The following ITM2C variants were observed in gnomAD, a reference collection of about 807,000 sequenced individuals.
ITM2C encodes the protein BRICHOS domain containing 2C.
Under a neutral mutation model 30.0 loss-of-function variants are expected in ITM2C, and 20 were observed. The ratio of observed to expected loss-of-function variants is 0.67; its 90% CI spans 0.47 to 0.97. The LOEUF (loss-of-function observed/expected upper bound fraction) is 0.97, where lower values mean the gene tolerates loss of function less well. Among genes scored for constraint, ITM2C ranks in the 50% least tolerant of loss-of-function variants. The probability of loss-of-function intolerance (pLI) is 0.00; values close to 1 mark genes in which losing one functional copy is unlikely to be tolerated. For missense variants in ITM2C, 366 were observed against 371.9 expected (o/e 0.98, Z 0.13); for synonymous variants, 167 against 156.4 (o/e 1.07, Z -0.51).
At position 230,872,480 on chromosome 2, in the gene ITM2C, A is replaced by G. The variant is rs368602772; in HGVS notation, c.121-937A>G. ...CACACCTACGTCCACCACCCCACAC[A>G]TGTGTGGCCTGGAGATGGGTTAGGT... On this transcript the variant is annotated intron_variant, in intron 1 of 5. Transcript: ENST00000326427. Among the ~76,000 whole-genome samples, 71 of 152,164 alleles carry G rather than the reference A, an allele frequency of 4.7e-4. No individual in the cohort carries two copies. In the East Asian group the frequency reaches 0.013, roughly 27 times the overall value.
intron 1 of ITM2C, among the ~76,000 whole-genome samples, chr2:230,870,055 T>A (rs1697126564): frequency 6.6e-6 from 1 of 152,208 alleles, no homozygotes. Context: ...GGTGGGCCAT[T>A]CGGCCATCTT....
rs1696993835 is a variant in ITM2C at position 230,865,125 on chromosome 2, A to T, written c.100A>T (p.Ile34Phe). The change falls in exon 1 of 6, where the codon ATC (isoleucine) becomes TTC (phenylalanine). Residue 34 changes from isoleucine to phenylalanine, a missense_variant. By Grantham distance (21) the Ile-to-Phe change is conservative. Coordinates refer to ENST00000326427, the MANE Select transcript of ITM2C (RefSeq NM_030926.6). The surrounding 1 kb of genome is among the most constrained non-coding windows in gnomAD (Gnocchi z 6.8). Reference sequence around the variant, plus strand: ...CCCTGCGCCGGCCTCGGCCACCGAGATCCTGCTGACGCCGGCTAGGGTGAG... The same window carrying T: ...CCCTGCGCCGGCCTCGGCCACCGAGTTCCTGCTGACGCCGGCTAGGGTGAG... The part of the protein sequence containing the change: ...SAPAPASATE[I>F]LLTPAREEQP... The T allele has an allele frequency of 6.7e-7, 1 of 1,497,088 alleles. No homozygotes were observed. The highest frequency in any genetic ancestry group is 1.4e-5 in the African/African-American group (1 of 69,852). 92.7% of individuals were successfully genotyped at this position (1,497,088 alleles called of 1,614,324 possible).
Position 230,873,485 on chromosome 2 carries a change from G to T in ITM2C, c.189G>T (p.Met63Ile), listed in dbSNP as rs1697217992. ...TGGGCGGCGTGTGCTACCTGTCGAT[G>T]GGCATGGTCGTGCTGCTCATGGGCC... Reference protein sequence around the residue: ...GSVGGVCYLSMGMVVLLMGLV... With the variant: ...GSVGGVCYLSIGMVVLLMGLV... Residue 63 changes from methionine to isoleucine, a missense_variant, in exon 2 of 6, where the codon ATG (methionine) becomes ATT (isoleucine). Physicochemically the swap from Met to Ile is conservative, Grantham distance 10. Transcript: ENST00000326427. 1 of 1,610,968 alleles carries T rather than the reference G, an allele frequency of 6.2e-7. No individual in the cohort carries two copies. Among genetic ancestry groups the T allele is most frequent in the Admixed American group, 1.7e-5 (1 of 59,602 alleles).
At chr2:230,871,550 G>A (rs1559156118) in intron 1 of ITM2C, among the ~76,000 whole-genome samples, 1 of 152,244 alleles carries the variant, frequency 6.6e-6, no homozygotes, top group African/African-American at 2.4e-5. Flanking sequence ...GCCCCTGGCT[G>A]CTGAGGAGAT....
chr2:230,876,302 A>G (rs1697295728), intron 3 of ITM2C, among the ~76,000 whole-genome samples: 1 of 152,174 alleles, frequency 6.6e-6, no homozygotes. Flanking sequence ...CTTTATAACA[A>G]CAGAGGCGTT....
intron 1 of ITM2C, among the ~76,000 whole-genome samples, chr2:230,866,098 C>T (rs1301862535): frequency 2.0e-5 from 3 of 152,174 alleles, no homozygotes; most frequent in African/African-American, 7.2e-5. Context: ...GGGGGCAGAA[C>T]GCGTGGCGGG....
At chr2:230,866,648 G>T (rs962363390) in intron 1 of ITM2C, among the ~76,000 whole-genome samples, 2 of 152,228 alleles carry the variant, frequency 1.3e-5, no homozygotes, top group Non-Finnish European at 2.9e-5. Flanking sequence ...CATATTTGAA[G>T]AAGATGGTTC....
intron 3 of ITM2C, among the ~76,000 whole-genome samples, chr2:230,876,187 G>A (rs939082642): frequency 2.0e-5 from 3 of 152,284 alleles, no homozygotes; most frequent in African/African-American, 7.2e-5. Context: ...CTCTCGCTGG[G>A]GTCCAGGCTG....
At chr2:230,874,754 C>T (rs533940309) in intron 2 of ITM2C, among the ~76,000 whole-genome samples, 19 of 152,324 alleles carry the variant, frequency 1.2e-4, no homozygotes, top group African/African-American at 4.6e-4. Flanking sequence ...CCAGGCCAGG[C>T]AGTCCCAAGC....
At chr2:230,871,288 C>T (rs1405176413) in intron 1 of ITM2C, among the ~76,000 whole-genome samples, 1 of 152,256 alleles carries the variant, frequency 6.6e-6, no homozygotes, top group East Asian at 1.9e-4. Context: ...GGGTCAGCCA[C>T]CTTTCCTTAA....
At chr2:230,868,149 C>T (rs1171445676) in intron 1 of ITM2C, among the ~76,000 whole-genome samples, 1 of 152,052 alleles carries the variant, frequency 6.6e-6, no homozygotes, top group Middle Eastern at 3.2e-3. Flanking sequence ...TGAGCAAAAA[C>T]TGCAACACAA....
At chr2:230,866,754 G>T (rs1402079100) in intron 1 of ITM2C, among the ~76,000 whole-genome samples, 3 of 152,212 alleles carry the variant, frequency 2.0e-5, no homozygotes, top group Non-Finnish European at 4.4e-5. Context: ...AGGGATGGGG[G>T]CAGGAGGCAG....
At position 230,875,612 on chromosome 2, in the gene ITM2C, T is replaced by A; in HGVS notation, c.262-8T>A. ...CTGACTGTCTGTCTGTCTCTCCGCC[T>A]TGCTCAGCTGGCCCGAGATAACTTC... is the stretch of plus-strand genomic sequence containing the variant. On this transcript the variant is annotated splice_region_variant and splice_polypyrimidine_tract_variant and intron_variant, in intron 2 of 5. Coordinates refer to ENST00000326427, the MANE Select transcript of ITM2C (RefSeq NM_030926.6). 1 of 1,592,278 alleles carries A rather than the reference T, an allele frequency of 6.3e-7. No homozygotes were observed. The highest frequency in any genetic ancestry group is 8.6e-7 in the Non-Finnish European group (1 of 1,168,658).
rs1389620960 is a variant in ITM2C at position 230,878,602 on chromosome 2, G to C, written c.*503G>C. ...GCTTGAGCTGAGGATGGGACGATGTGCCCAGGGAGGGACCCACCAGAGCAC... is the reference window on the plus strand; with the variant it reads ...GCTTGAGCTGAGGATGGGACGATGTCCCCAGGGAGGGACCCACCAGAGCAC... On this transcript the variant is annotated 3_prime_UTR_variant, in exon 6 of 6. Coordinates refer to ENST00000326427, the MANE Select transcript of ITM2C (RefSeq NM_030926.6). This position sits in a 1 kb window ranked among gnomAD's most constrained non-coding sequence, Gnocchi z 4.5. 1 of 153,074 alleles carries C rather than the reference G, an allele frequency of 6.5e-6. No homozygotes were observed. Among genetic ancestry groups the C allele is most frequent in the African/African-American group, 2.4e-5 (1 of 41,450 alleles). 9.5% of individuals were successfully genotyped at this position (153,074 alleles called of 1,614,324 possible).
In ITM2C at chr2:230,870,560, T is replaced by C. The variant is rs535408682; in HGVS notation, c.121-2857T>C. The stretch of plus-strand genomic sequence containing the variant: ...GGTGGGGGATCCCCAGCCTTCACAG[T>C]GAGGGGTCTTGGCAGGAACCCCTGC... On this transcript the variant is annotated intron_variant, in intron 1 of 5. Transcript: ENST00000326427. Among the ~76,000 whole-genome samples, 18 of 152,256 alleles carry C rather than the reference T, an allele frequency of 1.2e-4. No individual in the cohort carries two copies. In the East Asian group the frequency reaches 3.3e-3, roughly 28 times the overall value.
In ITM2C at chr2:230,875,706, G is replaced by A. The variant is rs1697276036; in HGVS notation, c.348G>A (p.Glu116=). 6.2e-7 allele frequency: 1 copy of A among 1,614,078 alleles called. No individual in the cohort carries two copies. Among genetic ancestry groups the A allele is most frequent in the East Asian group, 2.2e-5 (1 of 44,872 alleles). ...SQVRTQMELE[E]DVKIYLDENY... is the part of the protein sequence containing the mutation. ...TCCGGACTCAGATGGAGCTGGAAGA[G>A]GATGTGAAAATCTACCTCGACGAGA... Residue 116 remains glutamate, a synonymous_variant, in exon 3 of 6, where the codon GAG becomes GAA. Coordinates refer to ENST00000326427, the MANE Select transcript of ITM2C (RefSeq NM_030926.6).
In ITM2C at chr2:230,877,701, G is replaced by A; in HGVS notation, c.712+151G>A. 1.2e-6 allele frequency: 1 copy of A among 800,428 alleles called. No individual in the cohort carries two copies. The highest frequency in any genetic ancestry group is 2.0e-6 in the Non-Finnish European group (1 of 504,288). 49.6% of individuals were successfully genotyped at this position (800,428 alleles called of 1,614,324 possible). ...ACTTCCGTGTGCCGGGCAATGCTGTGTGCTCTTTATGACCTCTTAAGAGTG... is the reference window on the plus strand; with the variant it reads ...ACTTCCGTGTGCCGGGCAATGCTGTATGCTCTTTATGACCTCTTAAGAGTG... On this transcript the variant is annotated intron_variant, in intron 5 of 5. Transcript: ENST00000326427. The surrounding 1 kb of genome is among the most constrained non-coding windows in gnomAD (Gnocchi z 4.8).
Position 230,877,570 on chromosome 2 carries a change from C to A in ITM2C, c.712+20C>A, listed in dbSNP as rs749947193. Reference sequence around the variant, plus strand: ...GGAGGCGTGAGTGGCTGGCTTCACCCACAGTAGCCCCTGTCCCGTGCCCCA... The same window carrying A: ...GGAGGCGTGAGTGGCTGGCTTCACCAACAGTAGCCCCTGTCCCGTGCCCCA... On this transcript the variant is annotated intron_variant, in intron 5 of 5. Transcript: ENST00000326427. This position sits in a 1 kb window ranked among gnomAD's most constrained non-coding sequence, Gnocchi z 4.8. The A allele has an allele frequency of 1.2e-6, 2 of 1,612,302 alleles. No individual in the cohort carries two copies. Among genetic ancestry groups the A allele is most frequent in the Admixed American group, 1.7e-5 (1 of 60,012 alleles).
At chr2:230,866,780 C>T (rs1477108643) in intron 1 of ITM2C, among the ~76,000 whole-genome samples, 1 of 152,196 alleles carries the variant, frequency 6.6e-6, no homozygotes, top group Non-Finnish European at 1.5e-5. Flanking sequence ...TTGCCCATCT[C>T]TTTTCCTAGC....
Sources: gnomAD v4.1 joint callset for allele counts (sites outside exome capture counted in the v4.1 genomes callset) on GRCh38, gnomAD v4.1.1 for gene constraint, Gnocchi (gnomAD v3.1) non-coding constraint, MANE v1.5 for transcripts, NCBI Gene and HGNC (gene_info 2026-07-23, HGNC 2026-07-21) for gene names.